Variants in LMBRD1 observed in about 807,000 individuals in gnomAD.
The protein encoded by LMBRD1 is LMBR1 domain containing 1.
LMBRD1 carries 64 observed loss-of-function variants against 74.8 expected under a neutral mutation model. The ratio of observed to expected loss-of-function variants is 0.86; its 90% CI spans 0.70 to 1.05. The LOEUF (loss-of-function observed/expected upper bound fraction) is 1.05. LMBRD1 is among the 50% of genes least tolerant of loss of function. LMBRD1 has a pLI of 0.00. For missense variants in LMBRD1, 652 were observed against 645.9 expected (o/e 1.01, Z -0.10); for synonymous variants, 204 against 216.3 (o/e 0.94, Z 0.50).
chr6:69,732,035 A>G (rs1766869525), intron 7 of LMBRD1, among the ~76,000 whole-genome samples: 1 of 152,166 alleles, frequency 6.6e-6, no homozygotes. Flanking sequence ...TGACACATAA[A>G]GTAACGGTGC....
intron 3 of LMBRD1, among the ~76,000 whole-genome samples, chr6:69,762,816 C>A (rs1195393746): frequency 6.6e-6 from 1 of 152,124 alleles, no homozygotes; most frequent in African/African-American, 2.4e-5. Flanking sequence ...AAGAAGGTGG[C>A]CATCTACAAG....
intron 4 of LMBRD1, among the ~76,000 whole-genome samples, chr6:69,751,489 G>C (rs1324150376): frequency 6.6e-6 from 1 of 152,168 alleles, no homozygotes; most frequent in Admixed American, 6.5e-5. Flanking sequence ...GCCATGCCCA[G>C]CTAATTTTTG....
chr6:69,745,652 A>G (rs1044359097), intron 5 of LMBRD1, among the ~76,000 whole-genome samples: 1 of 152,142 alleles, frequency 6.6e-6, no homozygotes, highest in Admixed American at 6.5e-5. Flanking sequence ...CTGAAACATC[A>G]TATTACCCTT....
Position 69,796,802 on chromosome 6 carries a change from G to A in LMBRD1, c.69+11C>T, listed in dbSNP as rs746889908. ...TCCAAACATGGGGAAAACTCCAAGC[G>A]CCTCCCCTACCAGTAGTAAGAGGCC... On this transcript the variant is annotated intron_variant, in intron 1 of 15. Coordinates refer to ENST00000649934, the MANE Select transcript of LMBRD1 (RefSeq NM_018368.4). 230 of 1,612,668 alleles carry A rather than the reference G, an allele frequency of 1.4e-4. No individual in the cohort carries two copies. Among genetic ancestry groups the A allele is most frequent in the Non-Finnish European group, 1.8e-4 (218 of 1,179,258 alleles).
rs960902863 is a variant in LMBRD1 at position 69,675,992 on chromosome 6, T to C, written c.*166A>G. Reference sequence around the variant, plus strand: ...TATGGTAATTTAAAATGTTAATCTATGATACAATGTTACTTCAGAAAACAT... The same window carrying C: ...TATGGTAATTTAAAATGTTAATCTACGATACAATGTTACTTCAGAAAACAT... On this transcript the variant is annotated 3_prime_UTR_variant, in exon 16 of 16. Transcript: ENST00000649934. 78 of 627,434 alleles carry C rather than the reference T, an allele frequency of 1.2e-4. No individual in the cohort carries two copies. Among genetic ancestry groups the C allele is most frequent in the Non-Finnish European group, 1.8e-4 (65 of 353,604 alleles). The allele number at this position is 627,434 out of a possible 1,614,324, so 38.9% of individuals were successfully genotyped here.
chr6:69,716,875 A>C (rs1416519115), intron 8 of LMBRD1, among the ~76,000 whole-genome samples: 3 of 150,794 alleles, frequency 2.0e-5, no homozygotes, highest in African/African-American at 7.3e-5. Context: ...TTATTAAATA[A>C]ATATTTAATT....
chr6:69,743,299 C>T (rs1993482), intron 5 of LMBRD1, among the ~76,000 whole-genome samples: 86,655 of 151,896 alleles, frequency 0.57, 25,239 homozygotes, highest in East Asian at 0.74. Context: ...AAAAGAAATA[C>T]GTATTAGGAT....
chr6:69,713,028 T>C (rs562671478), intron 9 of LMBRD1, among the ~76,000 whole-genome samples: 4 of 152,148 alleles, frequency 2.6e-5, no homozygotes, highest in East Asian at 1.9e-4. Context: ...AAAGAAACAA[T>C]TGCATCTCCA....
chr6:69,740,437 T>C (rs999658494), intron 6 of LMBRD1, among the ~76,000 whole-genome samples: 5 of 152,198 alleles, frequency 3.3e-5, no homozygotes, highest in African/African-American at 9.6e-5. Flanking sequence ...TTACTCAAGA[T>C]ATCTAAAGGA....
At chr6:69,790,243 G>A in intron 2 of LMBRD1, 53 bp downstream of exon 2, 1 of 1,216,142 alleles carries the variant, frequency 8.2e-7, no homozygotes, top group Admixed American at 1.8e-5. Context: ...GGACTGCCAA[G>A]TGTGCCAGAA....
intron 7 of LMBRD1, among the ~76,000 whole-genome samples, chr6:69,727,539 T>A (rs1582093862): frequency 6.6e-6 from 1 of 152,280 alleles, no homozygotes; most frequent in East Asian, 1.9e-4. Context: ...AGGAAAAATA[T>A]ATAATTGGGT....
In LMBRD1 at chr6:69,738,141, C is replaced by T. The variant is rs12661224; in HGVS notation, c.563-126G>A. Reference sequence around the variant, plus strand: ...AGAAATAAAAACCAATATGTATTACCGTATTCTTGAAGTGCTAACTCCAAG... The same window carrying T: ...AGAAATAAAAACCAATATGTATTACTGTATTCTTGAAGTGCTAACTCCAAG... On this transcript the variant is annotated intron_variant, in intron 6 of 15. Coordinates refer to ENST00000649934, the MANE Select transcript of LMBRD1 (RefSeq NM_018368.4). 0.4 allele frequency: 269,341 copies of T among 680,218 alleles called. 55,104 individuals are homozygous for T. Among genetic ancestry groups the T allele is most frequent in the East Asian group, 0.55 (19,395 of 35,324 alleles). 42.1% of individuals were successfully genotyped at this position (680,218 alleles called of 1,614,324 possible). A position where few individuals can be genotyped will look rare whatever the true frequency, so the allele number is the denominator to read the frequency against.
At chr6:69,792,203 T>A (rs916003206) in intron 1 of LMBRD1, among the ~76,000 whole-genome samples, 1 of 152,216 alleles carries the variant, frequency 6.6e-6, no homozygotes, top group African/African-American at 2.4e-5. Flanking sequence ...CTTTTCCCTT[T>A]AATAAATCTC....
chr6:69,676,028 A>G lies in LMBRD1; in HGVS notation c.*130T>C. On this transcript the variant is annotated 3_prime_UTR_variant, in exon 16 of 16. Coordinates refer to ENST00000649934, the MANE Select transcript of LMBRD1 (RefSeq NM_018368.4). ...TACTTCAGAAAACATATAATAAAAT[A>G]TAGTTGTCTTATAGCCATGCTCCCA... The G allele has an allele frequency of 1.4e-6, 1 of 703,880 alleles. No individual in the cohort carries two copies. The highest frequency in any genetic ancestry group is 2.5e-6 in the Non-Finnish European group (1 of 393,508). The allele number at this position is 703,880 out of a possible 1,614,324, so 43.6% of individuals were successfully genotyped here.
chr6:69,761,321 CA>C (rs879914780), intron 3 of LMBRD1, among the ~76,000 whole-genome samples: 137 of 147,428 alleles, frequency 9.3e-4, no homozygotes, highest in African/African-American at 2.9e-3. Context: ...ATTTTTTTAA[CA>C]AAAAAAAAAT....
chr6:69,715,833 T>C (rs1766477103), intron 8 of LMBRD1, among the ~76,000 whole-genome samples: 1 of 152,172 alleles, frequency 6.6e-6, no homozygotes, highest in Non-Finnish European at 1.5e-5. Flanking sequence ...GTCCATGTGT[T>C]CTCATCACTT....
At chr6:69,739,890 A>C (rs1410034669) in intron 6 of LMBRD1, among the ~76,000 whole-genome samples, 2 of 152,150 alleles carry the variant, frequency 1.3e-5, no homozygotes, top group African/African-American at 2.4e-5. Flanking sequence ...GGCGGATCAC[A>C]AGGTCAGGAG....
At chr6:69,691,584 A>C (rs1438402147) in intron 14 of LMBRD1, among the ~76,000 whole-genome samples, 1 of 152,150 alleles carries the variant, frequency 6.6e-6, no homozygotes, top group Non-Finnish European at 1.5e-5. Flanking sequence ...TACCTAAAGA[A>C]AGAAAGCTTG....
intron 3 of LMBRD1, among the ~76,000 whole-genome samples, chr6:69,776,421 A>C (rs915531986): frequency 9.2e-5 from 14 of 152,196 alleles, no homozygotes; most frequent in African/African-American, 3.4e-4. Flanking sequence ...TACCTAAGAA[A>C]ACTTGACACA....
Sources: gnomAD v4.1 joint callset for allele counts (sites outside exome capture counted in the v4.1 genomes callset) on GRCh38, gnomAD v4.1.1 for gene constraint, MANE v1.5 for transcripts, NCBI Gene and HGNC (gene_info 2026-07-23, HGNC 2026-07-21) for gene names.